Variants in FARP2 observed in about 807,000 individuals in gnomAD.
The protein encoded by FARP2 is FERM, ARH/RhoGEF and pleckstrin domain protein 2, also known as FERM, ARHGEF and pleckstrin domain-containing protein 2.
A neutral mutation model predicts 130.5 loss-of-function variants in FARP2; 111 were observed. The ratio of observed to expected loss-of-function variants is 0.85; its 90% CI spans 0.73 to 1.00. The LOEUF (loss-of-function observed/expected upper bound fraction) is 1.00. Among genes scored for constraint, FARP2 ranks in the 50% least tolerant of loss-of-function variants. FARP2 has a pLI of 0.00. For synonymous variants in FARP2, 504 were observed against 516.9 expected, an observed-to-expected ratio of 0.98 and a Z score of 0.34; for missense variants, 1,385 against 1,346.3, an observed-to-expected ratio of 1.03 and a Z score of -0.45.
Position 241,463,926 on chromosome 2 carries a change from A to G in FARP2, c.1839A>G (p.Lys613=), listed in dbSNP as rs2064096228. Residue 613 remains lysine, a synonymous_variant, in exon 17 of 27, where the codon AAA becomes AAG. Transcript: ENST00000264042. The part of the protein sequence containing the change: ...LWEGPSKAHT[K]GSHQRIGDIL... ...AAGGGCCCTCCAAAGCCCACACAAAAGGCAGTCATCAACGAATCGGGGACA... is the reference window on the plus strand; with the variant it reads ...AAGGGCCCTCCAAAGCCCACACAAAGGGCAGTCATCAACGAATCGGGGACA... The G allele has an allele frequency of 3.7e-6, 6 of 1,614,058 alleles. No individual in the cohort carries two copies. The highest frequency in any genetic ancestry group is 5.1e-6 in the Non-Finnish European group (6 of 1,179,936).
At position 241,413,318 on chromosome 2, in the gene FARP2, G is replaced by A. The variant is rs1574771917; in HGVS notation, c.520G>A (p.Asp174Asn). The change falls in exon 7 of 27, where the codon GAT becomes AAT. Residue 174 changes from aspartate (D) to asparagine (N), a missense_variant. Physicochemically the swap from Asp to Asn is conservative, Grantham distance 23. Transcript: ENST00000264042. Reference protein sequence around the residue: ...TSHLLQSEIGDYDETLDREHL... With the variant: ...TSHLLQSEIGNYDETLDREHL... ...TTAACCTATCTCAGCGGAAATAGGA[G>A]ATTACGATGAAACGCTGGACCGAGA... 1 of 1,606,226 alleles carries A rather than the reference G, an allele frequency of 6.2e-7. No homozygotes were observed. The highest frequency in any genetic ancestry group is 2.2e-5 in the East Asian group (1 of 44,818).
At chr2:241,456,516 T>A (rs1046032216) in intron 13 of FARP2, 2 of 503,846 alleles carry the variant, frequency 4.0e-6, no homozygotes, top group Non-Finnish European at 3.5e-6. Flanking sequence ...GGATCCACAC[T>A]GTCTGTGGAT....
At chr2:241,450,469 C>T (rs2063623014) in intron 13 of FARP2, among the ~76,000 whole-genome samples, 1 of 149,510 alleles carries the variant, frequency 6.7e-6, no homozygotes, top group South Asian at 2.1e-4. Context: ...AGTTCAAGAC[C>T]AGCCTGGCCA....
At chr2:241,471,957 A>AG (rs2064328553) in intron 18 of FARP2, among the ~76,000 whole-genome samples, 2 of 144,164 alleles carry the variant, frequency 1.4e-5, no homozygotes, top group African/African-American at 2.5e-5. Flanking sequence ...CCTGTTCTGA[A>AG]GGAATCCTGT....
intron 2 of FARP2, among the ~76,000 whole-genome samples, chr2:241,376,782 G>A (rs2061545051): frequency 6.6e-6 from 1 of 152,218 alleles, no homozygotes; most frequent in Non-Finnish European, 1.5e-5. Context: ...CGGCTACAGG[G>A]TGTCGGGTGC....
At chr2:241,362,687 A>G (rs2061216374) in intron 1 of FARP2, among the ~76,000 whole-genome samples, 2 of 152,154 alleles carry the variant, frequency 1.3e-5, no homozygotes, top group South Asian at 4.1e-4. Flanking sequence ...CAGTTATTCC[A>G]GCTTTCTCTT....
At chr2:241,436,978 C>A (rs557513594) in intron 12 of FARP2, among the ~76,000 whole-genome samples, 13 of 152,162 alleles carry the variant, frequency 8.5e-5, no homozygotes, top group African/African-American at 2.9e-4. Flanking sequence ...AGAACAAGAT[C>A]CTGTCTCAAA....
chr2:241,409,125 G>A (rs2062448055), intron 5 of FARP2, among the ~76,000 whole-genome samples: 1 of 152,194 alleles, frequency 6.6e-6, no homozygotes, highest in East Asian at 1.9e-4. Flanking sequence ...AGGATCCTGG[G>A]TCTCAAGTTC....
At chr2:241,472,513 A>G (rs1309696874) in intron 18 of FARP2, among the ~76,000 whole-genome samples, 2 of 139,140 alleles carry the variant, frequency 1.4e-5, no homozygotes, top group Admixed American at 1.4e-4. Context: ...ATCTGAAGGG[A>G]CCCTGTTCTG....
intron 12 of FARP2, among the ~76,000 whole-genome samples, chr2:241,438,670 C>T (rs1189479665): frequency 1.3e-5 from 2 of 149,088 alleles, no homozygotes; most frequent in Admixed American, 1.3e-4. Context: ...CGCTCTGTCG[C>T]CCAGGCTGGA....
In FARP2 at chr2:241,403,850, T is replaced by C. The variant is rs1210780500; in HGVS notation, c.206T>C (p.Leu69Ser). 1.2e-6 allele frequency: 2 copies of C among 1,613,320 alleles called. No individual in the cohort carries two copies. The highest frequency in any genetic ancestry group is 4.5e-5 in the East Asian group (2 of 44,886). Residue 69 changes from leucine to serine, a missense_variant, in exon 3 of 27, where the codon TTA becomes TCA. Transcript: ENST00000264042. ...DIEPKCDGQV[L>S]LTQVWKRLNL... ...CAGCCTAAATGCGATGGCCAGGTAT[T>C]ACTGACACAAGTGTGGAAGCGTTTA...
Position 241,491,509 on chromosome 2 carries a change from T to G in FARP2, c.2624-7T>G, listed in dbSNP as rs1263368939. ...TTCCCCCTGAGACGCTGCTGACTTC[T>G]CCCCAGGATCCCCCAACGAGGTATC... On this transcript the variant is annotated splice_polypyrimidine_tract_variant and splice_region_variant and intron_variant, in intron 23 of 26. Coordinates refer to ENST00000264042, the MANE Select transcript of FARP2 (RefSeq NM_014808.4). 1.2e-6 allele frequency: 2 copies of G among 1,612,966 alleles called. No homozygotes were observed. Among genetic ancestry groups the G allele is most frequent in the Non-Finnish European group, 1.7e-6 (2 of 1,179,792 alleles).
intron 1 of FARP2, among the ~76,000 whole-genome samples, chr2:241,362,478 T>C (rs1225543749): frequency 2.0e-5 from 3 of 151,938 alleles, no homozygotes; most frequent in Non-Finnish European, 4.4e-5. Flanking sequence ...GGCGGGCGCC[T>C]GTGATCCCAA....
At chr2:241,408,850 CAAGGAAATGGAGA>C (rs2062434817) in intron 5 of FARP2, among the ~76,000 whole-genome samples, 1 of 151,996 alleles carries the variant, frequency 6.6e-6, no homozygotes, top group Admixed American at 6.6e-5. Context: ...ATGTCAGCTG[CAAGGAAATGGAGA>C]GACCACATTA....
At chr2:241,461,498 C>G (rs1299392011) in intron 14 of FARP2, among the ~76,000 whole-genome samples, 3 of 152,240 alleles carry the variant, frequency 2.0e-5, no homozygotes, top group Non-Finnish European at 2.9e-5. Context: ...GACCTCTGAC[C>G]TGTCCCACAG....
intron 7 of FARP2, among the ~76,000 whole-genome samples, chr2:241,414,216 G>A (rs894449313): frequency 2.0e-5 from 3 of 152,160 alleles, no homozygotes; most frequent in Non-Finnish European, 4.4e-5. Flanking sequence ...CTTGACACTG[G>A]TGGGTTTTTC....
intron 1 of FARP2, among the ~76,000 whole-genome samples, chr2:241,357,853 A>G: frequency 6.6e-6 from 1 of 152,220 alleles, no homozygotes; most frequent in Non-Finnish European, 1.5e-5. Flanking sequence ...AGTTGATATA[A>G]GGTGTATTCA....
At chr2:241,358,032 A>G (rs1247196693) in intron 1 of FARP2, among the ~76,000 whole-genome samples, 1 of 152,170 alleles carries the variant, frequency 6.6e-6, no homozygotes, top group Non-Finnish European at 1.5e-5. Flanking sequence ...TCTACTAAAA[A>G]TACAAAAATT....
At chr2:241,443,470 C>T (rs1374210942) in intron 13 of FARP2, 1 of 152,334 alleles carries the variant, frequency 6.6e-6, no homozygotes, top group East Asian at 1.9e-4. Flanking sequence ...TCATTCTGTC[C>T]CAGGACAATG....
Sources: allele counts gnomAD v4.1 joint callset (sites outside exome capture counted in the v4.1 genomes callset), GRCh38; gene constraint gnomAD v4.1.1; transcripts MANE v1.5; gene names NCBI Gene and HGNC (gene_info 2026-07-23, HGNC 2026-07-21).